Variants in GPR19 observed in about 807,000 individuals in gnomAD.
The protein encoded by GPR19 is probable G protein-coupled receptor 19.
In GPR19, 14 loss-of-function variants were observed where a neutral mutation model predicts 28.5. The ratio of observed to expected loss-of-function variants is 0.49; its 90% CI spans 0.32 to 0.77. The LOEUF is 0.77. Ranked by LOEUF, GPR19 falls within the 30% of genes least tolerant of loss-of-function variation. GPR19 has a pLI of 0.03. For missense variants in GPR19, 409 were observed against 504.1 expected (o/e 0.81, Z 1.81); for synonymous variants, 173 against 184.1 (o/e 0.94, Z 0.49).
chr12:12,696,730 T>A (rs193027202), upstream of GPR19, among the ~76,000 whole-genome samples: 620 of 152,356 alleles, frequency 4.1e-3, 2 homozygotes, highest in Middle Eastern at 6.8e-3. Context: ...AAGCGCTGTG[T>A]CGCGGTTCTC....
At chr12:12,695,424 G>A (rs1184555491) in intron 2 of GPR19, 35 bp downstream of exon 2, 1 of 152,216 alleles carries the variant, frequency 6.6e-6, no homozygotes, top group Non-Finnish European at 1.5e-5. Flanking sequence ...AGGCTCCATC[G>A]GAAGGAGGCA....
intron 3 of GPR19, among the ~76,000 whole-genome samples, chr12:12,665,819 C>CAAAAAAAAAAAAAAAA (rs528302150): frequency 4.4e-4 from 33 of 75,728 alleles, no homozygotes; most frequent in East Asian, 9.9e-4. Flanking sequence ...GACTCCGTCT[C>CAAAAAAAAAAAAAAAA]AAAAAAAAAA....
upstream of GPR19, among the ~76,000 whole-genome samples, chr12:12,696,865 A>G (rs913746194): frequency 6.6e-6 from 1 of 152,202 alleles, no homozygotes; most frequent in Non-Finnish European, 1.5e-5. Flanking sequence ...CAGACCAAAG[A>G]AAATAATGGT....
At chr12:12,664,471 TTAAG>T (rs773819518) in intron 3 of GPR19, among the ~76,000 whole-genome samples, 28 of 152,124 alleles carry the variant, frequency 1.8e-4, no homozygotes, top group Non-Finnish European at 2.8e-4. Flanking sequence ...TTAAGAAAGC[TTAAG>T]TAAGATAATT....
At chr12:12,681,569 C>T (rs554429883) in intron 3 of GPR19, among the ~76,000 whole-genome samples, 1 of 152,276 alleles carries the variant, frequency 6.6e-6, no homozygotes, top group East Asian at 1.9e-4. Context: ...TGTGTGCTAG[C>T]CCTGCTTATC....
chr12:12,714,374 G>A, the GPR19 span, among the ~76,000 whole-genome samples: 7 of 152,312 alleles, frequency 4.6e-5, no homozygotes, highest in Middle Eastern at 3.4e-3. Context: ...TTGGGTGAGA[G>A]CGCTGCATCT....
At chr12:12,705,741 G>A in the GPR19 span, among the ~76,000 whole-genome samples, 2 of 151,960 alleles carry the variant, frequency 1.3e-5, no homozygotes, top group Non-Finnish European at 2.9e-5. Context: ...GTAGACACAG[G>A]GTTTCACTAT....
chr12:12,705,270 T>G, the GPR19 span, among the ~76,000 whole-genome samples: 4 of 151,816 alleles, frequency 2.6e-5, no homozygotes, highest in African/African-American at 4.8e-5. Context: ...TGAGCTGAGA[T>G]CGTGCTATTG....
At position 12,679,349 on chromosome 12, in the gene GPR19, C is replaced by T. The variant is rs722598; in HGVS notation, c.-23+5002G>A. Reference sequence around the variant, plus strand: ...CTCATGCTTGTAATCCCAGCACTTTCGGAGGCTGGGGTGGGAGCATCACTT... The same window carrying T: ...CTCATGCTTGTAATCCCAGCACTTTTGGAGGCTGGGGTGGGAGCATCACTT... On this transcript the variant is annotated intron_variant, in intron 3 of 3. Coordinates refer to ENST00000651487, the MANE Select transcript of GPR19 (RefSeq NM_006143.3). Among the ~76,000 whole-genome samples, 13 of 149,458 alleles carry T rather than the reference C, an allele frequency of 8.7e-5. No individual in the cohort carries two copies. The South Asian group carries it at 2.3e-3, about 27-fold the overall frequency.
Position 12,673,618 on chromosome 12 carries a change from C to T in GPR19, c.-23+10733G>A, listed in dbSNP as rs116937857. On this transcript the variant is annotated intron_variant, in intron 3 of 3. Coordinates refer to ENST00000651487, the MANE Select transcript of GPR19 (RefSeq NM_006143.3). ...GGTTATATGGCAGCTGAAACCCCAA[C>T]GACAGGAAGTCCGCCATAACATTCA... is the stretch of plus-strand genomic sequence containing the variant. Among the ~76,000 whole-genome samples the T allele has an allele frequency of 1.2e-3, 176 of 152,256 alleles. 1 individual carries two copies. The East Asian group carries it at 0.018, about 15-fold the overall frequency.
intron 3 of GPR19, among the ~76,000 whole-genome samples, chr12:12,667,384 T>C (rs1945798384): frequency 6.6e-6 from 1 of 152,150 alleles, no homozygotes; most frequent in Admixed American, 6.5e-5. Flanking sequence ...AAATGGTAGA[T>C]GGGTTGTCAT....
the GPR19 span, among the ~76,000 whole-genome samples, chr12:12,706,299 C>T: frequency 6.6e-6 from 1 of 152,150 alleles, no homozygotes; most frequent in Non-Finnish European, 1.5e-5. Flanking sequence ...TTACTTGATC[C>T]CTGGGTCACC....
the GPR19 span, among the ~76,000 whole-genome samples, chr12:12,702,232 AATAAT>A: frequency 6.6e-6 from 1 of 151,572 alleles, no homozygotes; most frequent in Non-Finnish European, 1.5e-5. Flanking sequence ...TGTATCCTAA[AATAAT>A]AGAATACTAA....
chr12:12,681,183 C>T (rs1372673020), intron 3 of GPR19, among the ~76,000 whole-genome samples: 1 of 152,196 alleles, frequency 6.6e-6, no homozygotes, highest in Non-Finnish European at 1.5e-5. Flanking sequence ...GAAACTACGT[C>T]CACACTCTGG....
chr12:12,706,491 G>C, the GPR19 span, among the ~76,000 whole-genome samples: 10 of 152,094 alleles, frequency 6.6e-5, no homozygotes. Flanking sequence ...TCATCTGAAT[G>C]CCAAACATTT....
At chr12:12,686,750 A>C (rs1291085473) in intron 2 of GPR19, among the ~76,000 whole-genome samples, 2 of 152,214 alleles carry the variant, frequency 1.3e-5, no homozygotes, top group Non-Finnish European at 2.9e-5. Flanking sequence ...GATTAAAATA[A>C]CTGGTCAATT....
chr12:12,674,704 C>G (rs73281113), intron 3 of GPR19, among the ~76,000 whole-genome samples: 4,760 of 152,074 alleles, frequency 0.031, 256 homozygotes, highest in African/African-American at 0.11. Flanking sequence ...AAACCTGTGC[C>G]CATTTGAATC....
At chr12:12,692,905 G>T (rs1221233666) in intron 2 of GPR19, among the ~76,000 whole-genome samples, 1 of 152,134 alleles carries the variant, frequency 6.6e-6, no homozygotes, top group East Asian at 1.9e-4. Flanking sequence ...GTCCCAGGAA[G>T]ATTCTCTGTC....
intron 3 of GPR19, among the ~76,000 whole-genome samples, chr12:12,667,660 C>T (rs903659042): frequency 2.7e-5 from 4 of 149,948 alleles, no homozygotes; most frequent in Non-Finnish European, 5.9e-5. Flanking sequence ...CACTGCACTC[C>T]AGCCTGGGTG....
Sources: gnomAD v4.1 joint callset for allele counts (sites outside exome capture counted in the v4.1 genomes callset) on GRCh38, gnomAD v4.1.1 for gene constraint, MANE v1.5 for transcripts, NCBI Gene and HGNC (gene_info 2026-07-23, HGNC 2026-07-21) for gene names.